BRINP3: variants seen among roughly 807,000 people sequenced by gnomAD.
The protein encoded by BRINP3 is BMP/retinoic acid inducible neural specific 3, also known as BMP/retinoic acid-inducible neural-specific protein 3.
BRINP3 carries 19 observed loss-of-function variants against 71.0 expected under a neutral mutation model. The ratio of observed to expected loss-of-function variants is 0.27; its 90% confidence interval spans 0.19 to 0.39. The LOEUF (loss-of-function observed/expected upper bound fraction) is 0.39. Ranked by LOEUF, BRINP3 falls within the 10% of genes least tolerant of loss-of-function variation. The pLI is 1.00. For missense variants in BRINP3, 959 were observed against 940.8 expected (o/e 1.02, Z -0.25); for synonymous variants, 380 against 337.7 (o/e 1.13, Z -1.37).
chr1:190,446,198 G>A (rs1464523970), intron 2 of BRINP3, among the ~76,000 whole-genome samples: 1 of 151,904 alleles, frequency 6.6e-6, no homozygotes, highest in Non-Finnish European at 1.5e-5. Context: ...AAATTAAAAC[G>A]TATTATATGG....
chr1:190,467,187 C>T (rs1015245639), intron 1 of BRINP3, among the ~76,000 whole-genome samples: 1 of 151,424 alleles, frequency 6.6e-6, no homozygotes, highest in African/African-American at 2.4e-5. Context: ...GACATGTGTG[C>T]AAATAAAATG....
chr1:190,291,834 A>G (rs961620050), intron 2 of BRINP3, among the ~76,000 whole-genome samples: 2 of 152,210 alleles, frequency 1.3e-5, no homozygotes, highest in African/African-American at 4.8e-5. Flanking sequence ...TTGAAGAGAT[A>G]TCTGCACTTC....
chr1:190,367,371 C>T (rs1200501079), intron 2 of BRINP3, among the ~76,000 whole-genome samples: 8 of 152,154 alleles, frequency 5.3e-5, no homozygotes, highest in Non-Finnish European at 8.8e-5. Context: ...CACCATGTCC[C>T]GAGGCTGCAC....
chr1:190,099,438 A>T (rs1257280886), intron 7 of BRINP3, among the ~76,000 whole-genome samples: 2 of 152,188 alleles, frequency 1.3e-5, no homozygotes, highest in East Asian at 3.9e-4. Context: ...AAGACATTGC[A>T]TGCTATCTCA....
At chr1:190,272,016 C>A (rs1010828718) in intron 3 of BRINP3, among the ~76,000 whole-genome samples, 1 of 151,368 alleles carries the variant, frequency 6.6e-6, no homozygotes, top group Non-Finnish European at 1.5e-5. Flanking sequence ...CATGTTGAGG[C>A]AATTAAAGAT....
chr1:190,388,309 G>C, intron 2 of BRINP3, among the ~76,000 whole-genome samples: 1 of 151,774 alleles, frequency 6.6e-6, no homozygotes, highest in Non-Finnish European at 1.5e-5. Context: ...AGCTCCTACT[G>C]TGTTCCAGAC....
At chr1:190,271,535 T>G (rs1662111279) in intron 3 of BRINP3, among the ~76,000 whole-genome samples, 1 of 151,614 alleles carries the variant, frequency 6.6e-6, no homozygotes, top group African/African-American at 2.4e-5. Flanking sequence ...ATTCCATACC[T>G]AGAAGTTTCT....
At chr1:190,332,733 G>A (rs551261255) in intron 2 of BRINP3, among the ~76,000 whole-genome samples, 1 of 151,964 alleles carries the variant, frequency 6.6e-6, no homozygotes, top group Non-Finnish European at 1.5e-5. Context: ...CTGTGATTTA[G>A]AGTACTACGA....
intron 2 of BRINP3, among the ~76,000 whole-genome samples, chr1:190,385,911 A>G (rs1179194996): frequency 6.8e-6 from 1 of 147,264 alleles, no homozygotes. Flanking sequence ...ATAAAAAATG[A>G]TGAGTTCATG....
chr1:190,368,247 C>T (rs771161214), intron 2 of BRINP3, among the ~76,000 whole-genome samples: 1 of 151,950 alleles, frequency 6.6e-6, no homozygotes, highest in Non-Finnish European at 1.5e-5. Flanking sequence ...ATGGTGGCAG[C>T]AAGGAGAAGT....
intron 7 of BRINP3, among the ~76,000 whole-genome samples, chr1:190,108,804 G>GA (rs1223575390): frequency 6.6e-6 from 1 of 150,498 alleles, no homozygotes; most frequent in Non-Finnish European, 1.5e-5. Flanking sequence ...CATCTGATTG[G>GA]AAAAAAAATG....
chr1:190,120,227 C>G (rs974977543), intron 7 of BRINP3, among the ~76,000 whole-genome samples: 21 of 152,216 alleles, frequency 1.4e-4, no homozygotes, highest in African/African-American at 5.1e-4. Context: ...CCCTTCAGCA[C>G]TAATTTTTCT....
intron 6 of BRINP3, among the ~76,000 whole-genome samples, chr1:190,195,060 G>A (rs1424485145): frequency 1.3e-5 from 2 of 151,690 alleles, no homozygotes; most frequent in African/African-American, 4.8e-5. Context: ...GCATTTAAGG[G>A]TTAGTCCTCT....
intron 2 of BRINP3, among the ~76,000 whole-genome samples, chr1:190,384,991 G>A: frequency 6.8e-6 from 1 of 146,944 alleles, no homozygotes; most frequent in South Asian, 2.2e-4. Context: ...TTTAATAAAT[G>A]GTGCTGGGAA....
At chr1:190,308,908 A>G (rs1571706150) in intron 2 of BRINP3, among the ~76,000 whole-genome samples, 2 of 152,002 alleles carry the variant, frequency 1.3e-5, no homozygotes, top group Non-Finnish European at 2.9e-5. Flanking sequence ...AATTAAAAAC[A>G]GAATTACCAT....
At chr1:190,141,950 C>T (rs965284497) in intron 7 of BRINP3, among the ~76,000 whole-genome samples, 3 of 151,414 alleles carry the variant, frequency 2.0e-5, no homozygotes, top group South Asian at 2.1e-4. Flanking sequence ...AAAAAGATAT[C>T]GATTATGAAA....
chr1:190,212,596 T>C (rs1348430187), intron 6 of BRINP3, among the ~76,000 whole-genome samples: 1 of 152,148 alleles, frequency 6.6e-6, no homozygotes, highest in East Asian at 1.9e-4. Context: ...TTCTAACTGT[T>C]TGCAAATATT....
At chr1:190,195,082 G>A (rs1015996546) in intron 6 of BRINP3, among the ~76,000 whole-genome samples, 3 of 151,500 alleles carry the variant, frequency 2.0e-5, no homozygotes, top group African/African-American at 4.8e-5. Context: ...AAATCAATAC[G>A]GCCTATGATA....
intron 3 of BRINP3, among the ~76,000 whole-genome samples, chr1:190,277,424 G>C (rs1352548760): frequency 1.3e-5 from 2 of 151,182 alleles, no homozygotes; most frequent in South Asian, 2.1e-4. Context: ...GTTGGATAAC[G>C]CTATATAATT....
Sources: gnomAD v4.1 joint callset for allele counts (sites outside exome capture counted in the v4.1 genomes callset) on GRCh38, gnomAD v4.1.1 for gene constraint, MANE v1.5 for transcripts, NCBI Gene and HGNC (gene_info 2026-07-23, HGNC 2026-07-21) for gene names.